Variants in ZNF438 observed in about 807,000 individuals in gnomAD.
ZNF438 encodes the protein zinc finger protein 438.
ZNF438 carries 25 observed loss-of-function variants against 38.0 expected under a neutral mutation model. That is an observed-to-expected ratio of 0.66 (90% CI 0.48 to 0.92). The LOEUF (loss-of-function observed/expected upper bound fraction) is 0.92. ZNF438 is among the 40% of genes least tolerant of loss of function. ZNF438 has a pLI of 0.00. For missense variants in ZNF438, 1,007 were observed against 999.6 expected (o/e 1.01, Z -0.10); for synonymous variants, 372 against 364.1 (o/e 1.02, Z -0.25).
At chr10:30,910,960 C>T (rs930643766) in intron 2 of ZNF438, among the ~76,000 whole-genome samples, 1 of 151,910 alleles carries the variant, frequency 6.6e-6, no homozygotes, top group African/African-American at 2.4e-5. Context: ...TATGGTAGTT[C>T]AAGCAAATAC....
intron 2 of ZNF438, among the ~76,000 whole-genome samples, chr10:30,932,600 C>T (rs1488456613): frequency 6.6e-6 from 1 of 152,142 alleles, no homozygotes; most frequent in Non-Finnish European, 1.5e-5. Flanking sequence ...AAGTTGAATG[C>T]AGCACTCTGC....
At chr10:30,902,590 C>A (rs987889828) in intron 3 of ZNF438, among the ~76,000 whole-genome samples, 10 of 152,070 alleles carry the variant, frequency 6.6e-5, no homozygotes, top group Non-Finnish European at 1.5e-4. Context: ...CATAAAGATT[C>A]TCCAAGTACC....
chr10:30,888,530 A>G (rs2040255781), intron 3 of ZNF438, among the ~76,000 whole-genome samples: 1 of 151,532 alleles, frequency 6.6e-6, no homozygotes, highest in Admixed American at 6.6e-5. Flanking sequence ...CCCACCCTCC[A>G]CCCTCTACCC....
intron 3 of ZNF438, among the ~76,000 whole-genome samples, chr10:30,894,144 T>C (rs2041044266): frequency 1.3e-5 from 2 of 152,224 alleles, no homozygotes; most frequent in Admixed American, 1.3e-4. Flanking sequence ...CAGAAGATGC[T>C]CTACTTGTTA....
chr10:30,945,294 C>T (rs566161004), intron 1 of ZNF438, among the ~76,000 whole-genome samples: 86 of 151,534 alleles, frequency 5.7e-4, no homozygotes, highest in Middle Eastern at 3.4e-3. Flanking sequence ...AGTATTATCT[C>T]ATGTTTTGAA....
intron 1 of ZNF438, among the ~76,000 whole-genome samples, chr10:30,952,055 A>C (rs1048076912): frequency 2.0e-5 from 3 of 150,126 alleles, no homozygotes; most frequent in Non-Finnish European, 4.5e-5. Context: ...AAACAGAGAT[A>C]TAGATCAATG....
chr10:30,903,264 G>C (rs2994623), intron 3 of ZNF438, among the ~76,000 whole-genome samples: 53,238 of 152,180 alleles, frequency 0.35, 10,860 homozygotes, highest in African/African-American at 0.56. Context: ...GCGGCGGGCT[G>C]AAGGACTCCT....
intron 2 of ZNF438, among the ~76,000 whole-genome samples, chr10:30,915,713 T>G (rs1269424969): frequency 6.6e-6 from 1 of 152,088 alleles, no homozygotes; most frequent in Non-Finnish European, 1.5e-5. Flanking sequence ...AGCCACAGCA[T>G]CCTGAGAATT....
intron 1 of ZNF438, among the ~76,000 whole-genome samples, chr10:30,970,489 C>T (rs1041734447): frequency 2.0e-5 from 3 of 152,186 alleles, no homozygotes; most frequent in African/African-American, 7.2e-5. Flanking sequence ...TTCAAAGTCA[C>T]ACAGCTAGTT....
chr10:31,008,858 G>A (rs2055391773), intron 1 of ZNF438, among the ~76,000 whole-genome samples: 2 of 152,162 alleles, frequency 1.3e-5, no homozygotes, highest in Admixed American at 1.3e-4. Context: ...TTTCTAAAGT[G>A]GCTGCCCATT....
rs151037657 is a variant in ZNF438, at chr10:30,924,496, C to T, written c.-114-15481G>A. On this transcript the variant is annotated intron_variant, in intron 2 of 5. Coordinates refer to ENST00000413025, the Ensembl canonical transcript of ZNF438. The stretch of plus-strand genomic sequence containing the variant: ...GTTCTTTGATACTTATTTTGAGAGG[C>T]CTGAAGGTCATTTCCTGAGAAAGGA... 1.4e-4 allele frequency among the ~76,000 whole-genome samples: 22 copies of T among 152,152 alleles called. No individual in the cohort carries two copies. In the East Asian group the frequency reaches 4.3e-3, roughly 29 times the overall value.
intron 1 of ZNF438, among the ~76,000 whole-genome samples, chr10:30,946,877 C>G (rs921060716): frequency 3.3e-5 from 5 of 152,064 alleles, no homozygotes; most frequent in Admixed American, 6.6e-5. Context: ...TATAAATATA[C>G]TTGTATCTTT....
chr10:30,945,401 T>A (rs867488124), intron 1 of ZNF438, among the ~76,000 whole-genome samples: 159 of 142,538 alleles, frequency 1.1e-3, no homozygotes, highest in Admixed American at 2.9e-3. Context: ...TTTTTTTTTT[T>A]ATTTTTTTTT....
At chr10:30,880,098 A>G (rs1056977019) in intron 3 of ZNF438, among the ~76,000 whole-genome samples, 2 of 152,174 alleles carry the variant, frequency 1.3e-5, no homozygotes, top group Non-Finnish European at 2.9e-5. Flanking sequence ...TAAAGGAACA[A>G]TGATAAGGAT....
At chr10:30,856,769 A>G (rs1429527355) in intron 4 of ZNF438, among the ~76,000 whole-genome samples, 1 of 152,248 alleles carries the variant, frequency 6.6e-6, no homozygotes. Flanking sequence ...GTCGCTCAGT[A>G]AAATTAATTG....
At chr10:30,883,032 A>G (rs1024314361) in intron 3 of ZNF438, among the ~76,000 whole-genome samples, 1 of 152,228 alleles carries the variant, frequency 6.6e-6, no homozygotes, top group Non-Finnish European at 1.5e-5. Flanking sequence ...TGTCTAATAT[A>G]AAAGAAATAA....
intron 1 of ZNF438, among the ~76,000 whole-genome samples, chr10:30,980,677 A>T (rs1303369791): frequency 6.6e-6 from 1 of 152,208 alleles, no homozygotes; most frequent in African/African-American, 2.4e-5. Context: ...AGAAATTGTA[A>T]ATTTGGGAGA....
At chr10:30,865,788 T>C (rs2036322162) in intron 4 of ZNF438, among the ~76,000 whole-genome samples, 1 of 152,212 alleles carries the variant, frequency 6.6e-6, no homozygotes, top group Non-Finnish European at 1.5e-5. Flanking sequence ...GGTGTTTCTA[T>C]TTATTATACT....
At chr10:30,926,152 T>C (rs1201864908) in intron 2 of ZNF438, among the ~76,000 whole-genome samples, 1 of 152,176 alleles carries the variant, frequency 6.6e-6, no homozygotes, top group Non-Finnish European at 1.5e-5. Context: ...TAACTAGAAA[T>C]GGACATCCAT....
Sources: gnomAD v4.1 joint callset for allele counts (sites outside exome capture counted in the v4.1 genomes callset) on GRCh38, gnomAD v4.1.1 for gene constraint, MANE v1.5 for transcripts, NCBI Gene and HGNC (gene_info 2026-07-23, HGNC 2026-07-21) for gene names.